Variants in LUZP1 observed in about 807,000 individuals in gnomAD.
LUZP1 encodes the protein leucine zipper protein 1.
LUZP1 carries 25 observed loss-of-function variants against 71.3 expected under a neutral mutation model. That is an observed-to-expected ratio of 0.35 (90% CI 0.26 to 0.49). The LOEUF is 0.49. Ranked by LOEUF, LUZP1 falls within the 20% of genes least tolerant of loss-of-function variation. The pLI is 0.99. For synonymous variants in LUZP1, 481 were observed against 506.4 expected (o/e 0.95, Z 0.67); for missense variants, 1,142 against 1,300.8 (o/e 0.88, Z 1.88).
chr1:23,144,657 T>A (rs986275431), intron 2 of LUZP1, among the ~76,000 whole-genome samples: 1 of 152,096 alleles, frequency 6.6e-6, no homozygotes, highest in African/African-American at 2.4e-5. Flanking sequence ...AAATATGCAG[T>A]AACATGCTCC....
chr1:23,175,423 T>C (rs1426653217), intron 1 of LUZP1, among the ~76,000 whole-genome samples: 1 of 152,212 alleles, frequency 6.6e-6, no homozygotes, highest in Non-Finnish European at 1.5e-5. Context: ...CTTCAGGGAC[T>C]AGGTCTCACT....
chr1:23,092,141 A>G, exon 4 of LUZP1: 1 of 1,614,106 alleles, frequency 6.2e-7, no homozygotes, highest in Non-Finnish European at 8.5e-7. Flanking sequence ...CATCTTTATC[A>G]TTCTCAAATA....
intron 3 of LUZP1, among the ~76,000 whole-genome samples, chr1:23,099,428 G>A (rs1468243818): frequency 6.6e-6 from 1 of 152,032 alleles, no homozygotes; most frequent in Non-Finnish European, 1.5e-5. Context: ...GTATTTTAAA[G>A]AGATAAACTT....
intron 2 of LUZP1, among the ~76,000 whole-genome samples, chr1:23,147,412 G>C (rs1644352210): frequency 6.7e-6 from 1 of 149,894 alleles, no homozygotes; most frequent in East Asian, 2.0e-4. Context: ...CTGCACTTCA[G>C]CCTGGGGTGA....
chr1:23,098,784 T>A (rs1449635817), intron 3 of LUZP1, among the ~76,000 whole-genome samples: 2 of 152,098 alleles, frequency 1.3e-5, no homozygotes, highest in African/African-American at 4.8e-5. Flanking sequence ...CCAACAATGA[T>A]CCTATGAGAA....
At chr1:23,084,854 G>GTAT (rs1643737320) in exon 5 of LUZP1, 1 of 152,366 alleles carries the variant, frequency 6.6e-6, no homozygotes, top group Non-Finnish European at 1.5e-5. Flanking sequence ...CCAATTTTAA[G>GTAT]TATTACACAA....
intron 2 of LUZP1, among the ~76,000 whole-genome samples, chr1:23,152,370 G>T (rs1469467835): frequency 6.6e-6 from 1 of 151,858 alleles, no homozygotes; most frequent in African/African-American, 2.4e-5. Flanking sequence ...TTAATCCTGG[G>T]GCAATTTTAG....
chr1:23,107,114 A>T (rs1451918574), intron 3 of LUZP1, among the ~76,000 whole-genome samples: 7 of 152,138 alleles, frequency 4.6e-5, no homozygotes, highest in African/African-American at 1.7e-4. Flanking sequence ...TCTGCCTAGG[A>T]TGCTTTTCCC....
At chr1:23,135,731 G>C (rs138018788) in intron 2 of LUZP1, among the ~76,000 whole-genome samples, 2 of 152,262 alleles carry the variant, frequency 1.3e-5, no homozygotes, top group Non-Finnish European at 2.9e-5. Context: ...GTCTTTAAAG[G>C]AAGAGAATAT....
At chr1:23,129,218 G>A (rs1052150256) in intron 2 of LUZP1, among the ~76,000 whole-genome samples, 1 of 152,178 alleles carries the variant, frequency 6.6e-6, no homozygotes, top group African/African-American at 2.4e-5. Context: ...CTCATCATTA[G>A]ACTCACCATT....
At chr1:23,136,014 T>A (rs1644250204) in intron 2 of LUZP1, among the ~76,000 whole-genome samples, 4 of 152,164 alleles carry the variant, frequency 2.6e-5, no homozygotes, top group Admixed American at 2.6e-4. Context: ...TTATACAACC[T>A]GACCCAGAAA....
chr1:23,131,874 C>T (rs1002701929), intron 2 of LUZP1, among the ~76,000 whole-genome samples: 8 of 152,176 alleles, frequency 5.3e-5, no homozygotes, highest in Non-Finnish European at 1.2e-4. Context: ...TTAGTAGAGA[C>T]GAGGTTTCGC....
At chr1:23,141,743 G>A (rs1425548573) in intron 2 of LUZP1, among the ~76,000 whole-genome samples, 1 of 152,110 alleles carries the variant, frequency 6.6e-6, no homozygotes, top group Non-Finnish European at 1.5e-5. Context: ...GCAGGGGCAA[G>A]ATCATAGTTC....
chr1:23,089,895 C>T (rs1261764492), intron 4 of LUZP1, among the ~76,000 whole-genome samples: 1 of 152,154 alleles, frequency 6.6e-6, no homozygotes, highest in Non-Finnish European at 1.5e-5. Context: ...TGAGTAGCTG[C>T]GATTACAGGC....
At chr1:23,117,454 C>CCTCCCTCTCTCTCTCTCTCTCT (rs1553137817) in intron 2 of LUZP1, among the ~76,000 whole-genome samples, 2 of 13,358 alleles carry the variant, frequency 1.5e-4, no homozygotes, top group African/African-American at 8.9e-4. Context: ...TTTTTTTTTT[C>CCTCCCTCTCTCTCTCTCTCTCT]CTCTCTCTCT....
At chr1:23,160,786 G>A (rs1557692524) in intron 2 of LUZP1, among the ~76,000 whole-genome samples, 1 of 152,192 alleles carries the variant, frequency 6.6e-6, no homozygotes, top group Non-Finnish European at 1.5e-5. Context: ...GATATTAATA[G>A]AAGCTGGTCA....
intron 3 of LUZP1, among the ~76,000 whole-genome samples, chr1:23,103,594 G>A (rs1167659441): frequency 6.6e-6 from 1 of 151,588 alleles, no homozygotes; most frequent in Non-Finnish European, 1.5e-5. Flanking sequence ...CTCCATCTTT[G>A]GACAGCTCTA....
chr1:23,158,369 G>A (rs925309731), intron 2 of LUZP1, among the ~76,000 whole-genome samples: 2 of 152,206 alleles, frequency 1.3e-5, no homozygotes, highest in Non-Finnish European at 1.5e-5. Flanking sequence ...AGATGGGTTA[G>A]GCTAGGCGCA....
intron 3 of LUZP1, among the ~76,000 whole-genome samples, chr1:23,103,184 A>G (rs1308761844): frequency 6.7e-6 from 1 of 149,774 alleles, no homozygotes; most frequent in Non-Finnish European, 1.5e-5. Flanking sequence ...CCATCCTCCC[A>G]CTTCGCCCTT....
Sources: allele counts gnomAD v4.1 joint callset (sites outside exome capture counted in the v4.1 genomes callset), GRCh38; gene constraint gnomAD v4.1.1; transcripts MANE v1.5; gene names NCBI Gene and HGNC (gene_info 2026-07-23, HGNC 2026-07-21).